Variants in BCL2L11 observed in about 807,000 individuals in gnomAD.
BCL2L11 encodes bcl-2-like protein 11.
Under a neutral mutation model 20.6 loss-of-function variants are expected in BCL2L11, and 15 were observed. That is an observed-to-expected ratio of 0.73 (90% CI 0.49 to 1.12). BCL2L11 has a LOEUF of 1.12. Ranked by LOEUF, BCL2L11 falls within the 50% of genes most tolerant of loss-of-function variation. BCL2L11 has a pLI of 0.00. For missense variants in BCL2L11, 292 were observed against 260.9 expected, an observed-to-expected ratio of 1.12 and a Z score of -0.82; for synonymous variants, 108 against 92.8, an observed-to-expected ratio of 1.16 and a Z score of -0.94.
Position 111,121,016 on chromosome 2 carries a change from G to A in BCL2L11, c.-186G>A, listed in dbSNP as rs1173407519. The A allele has an allele frequency of 7.7e-6, 3 of 390,586 alleles. No homozygotes were observed. Among genetic ancestry groups the A allele is most frequent in the Non-Finnish European group, 1.4e-5 (3 of 221,548 alleles). 24.2% of individuals were successfully genotyped at this position (390,586 alleles called of 1,614,324 possible). A position where few individuals can be genotyped will look rare whatever the true frequency, so the allele number is the denominator to read the frequency against. On this transcript the variant is annotated 5_prime_UTR_variant, in exon 1 of 4. Coordinates refer to ENST00000393256, the MANE Select transcript of BCL2L11 (RefSeq NM_138621.5). ...CGCCGCCGCCGCCGCCGCCGCCGCC[G>A]CCGCCACTACCACCACTTGATTCTT...
chr2:111,122,615 G>T, intron 1 of BCL2L11: 1 of 984,566 alleles, frequency 1.0e-6, no homozygotes. Context: ...CGGCGGCGGC[G>T]GGCGCAGAGC....
At chr2:111,148,890 C>G (rs182151051) in intron 2 of BCL2L11, among the ~76,000 whole-genome samples, 2 of 152,304 alleles carry the variant, frequency 1.3e-5, no homozygotes, top group African/African-American at 2.4e-5. Flanking sequence ...TTTTATAGAG[C>G]TCTGAATCAG....
intron 2 of BCL2L11, among the ~76,000 whole-genome samples, chr2:111,133,717 C>T (rs988228332): frequency 2.6e-5 from 4 of 152,100 alleles, no homozygotes; most frequent in African/African-American, 4.8e-5. Context: ...GTAGAGTGTT[C>T]GTTATATATA....
chr2:111,137,783 T>C (rs889475488), intron 2 of BCL2L11, among the ~76,000 whole-genome samples: 5 of 152,084 alleles, frequency 3.3e-5, no homozygotes, highest in African/African-American at 9.7e-5. Context: ...TTTGGCAGAC[T>C]GGTGCTGTCT....
At chr2:111,147,346 T>TCACACACACACA (rs70962921) in intron 2 of BCL2L11, among the ~76,000 whole-genome samples, 1 of 137,332 alleles carries the variant, frequency 7.3e-6, no homozygotes, top group Admixed American at 7.2e-5. Context: ...TCTCTCTCTC[T>TCACACACACACA]CACACACACA....
At chr2:111,161,798 G>C (rs191898085) in intron 3 of BCL2L11, among the ~76,000 whole-genome samples, 1 of 152,108 alleles carries the variant, frequency 6.6e-6, no homozygotes, top group East Asian at 1.9e-4. Flanking sequence ...TTCTCTAATT[G>C]CTTCAGACTC....
At chr2:111,122,836 G>C in intron 1 of BCL2L11, 2 of 985,280 alleles carry the variant, frequency 2.0e-6, no homozygotes, top group Non-Finnish European at 2.4e-6. Context: ...GACGGTCAGG[G>C]GGCGCCCGGT....
At chr2:111,149,354 T>C (rs1423791490) in intron 2 of BCL2L11, among the ~76,000 whole-genome samples, 1 of 152,194 alleles carries the variant, frequency 6.6e-6, no homozygotes, top group African/African-American at 2.4e-5. Context: ...CTTTCAAAAA[T>C]GCCTTTGCTC....
intron 2 of BCL2L11, chr2:111,142,312 G>C (rs1177122814): frequency 1.3e-6 from 2 of 1,550,236 alleles, no homozygotes; most frequent in African/African-American, 1.4e-5. Flanking sequence ...ATGGCTTGCA[G>C]ATGACTCCGC....
At chr2:111,143,673 A>G (rs1054354557) in intron 2 of BCL2L11, among the ~76,000 whole-genome samples, 2 of 152,138 alleles carry the variant, frequency 1.3e-5, no homozygotes, top group Non-Finnish European at 2.9e-5. Context: ...GGTCTCCCAC[A>G]TGGTGCAAGA....
At chr2:111,135,195 C>G (rs1297641571) in intron 2 of BCL2L11, among the ~76,000 whole-genome samples, 4 of 152,184 alleles carry the variant, frequency 2.6e-5, no homozygotes, top group African/African-American at 7.2e-5. Flanking sequence ...GATTTTCTCT[C>G]TCTTCAGATT....
intron 2 of BCL2L11, among the ~76,000 whole-genome samples, chr2:111,136,804 C>T (rs1029476442): frequency 1.3e-5 from 2 of 152,172 alleles, no homozygotes; most frequent in Admixed American, 1.3e-4. Context: ...GGGCATGTAA[C>T]GTTTATACCA....
Position 111,123,968 on chromosome 2 carries a change from A to G in BCL2L11, c.223A>G (p.Thr75Ala), listed in dbSNP as rs775462087. 6.2e-7 allele frequency: 1 copy of G among 1,614,150 alleles called. No individual in the cohort carries two copies. The highest frequency in any genetic ancestry group is 1.1e-5 in the South Asian group (1 of 91,082). ...ACCTGCCAGCCCTGGCCCTTTTGCT[A>G]CCAGATCCCCGCTTTTCATCTTTAT... Reference protein sequence around the residue: ...APPASPGPFATRSPLFIFMRR... With the variant: ...APPASPGPFAARSPLFIFMRR... Residue 75 changes from threonine (T) to alanine (A), a missense_variant, in exon 2 of 4, where the codon ACC becomes GCC. Coordinates refer to ENST00000393256, the MANE Select transcript of BCL2L11 (RefSeq NM_138621.5).
At chr2:111,144,359 G>T (rs1482581147) in intron 2 of BCL2L11, 9 of 828,352 alleles carry the variant, frequency 1.1e-5, no homozygotes, top group Non-Finnish European at 1.7e-5. Context: ...CTGGAGGGAG[G>T]TGTGTGTGTG....
Position 111,164,346 on chromosome 2 carries a change from A to AG in BCL2L11, c.*120dup, listed in dbSNP as rs1286972877. 3 of 772,740 alleles carry AG rather than the reference A, an allele frequency of 3.9e-6. No homozygotes were observed. The Admixed American group carries it at 5.7e-5, about 15-fold the overall frequency. 47.9% of individuals were successfully genotyped at this position (772,740 alleles called of 1,614,324 possible). A position where few individuals can be genotyped will look rare whatever the true frequency, so the allele number is the denominator to read the frequency against. On this transcript the variant is annotated 3_prime_UTR_variant, in exon 4 of 4. Coordinates refer to ENST00000393256, the MANE Select transcript of BCL2L11 (RefSeq NM_138621.5). ...TATGCAGCCAGCGGTTCTCTTGTGGAGGGGGCAGGTGACGTTTCAGAAGAC... is the reference window on the plus strand; with the variant it reads ...TATGCAGCCAGCGGTTCTCTTGTGGAGGGGGGCAGGTGACGTTTCAGAAGAC...
chr2:111,125,433 G>A (rs1387928862), intron 2 of BCL2L11, among the ~76,000 whole-genome samples: 1 of 151,934 alleles, frequency 6.6e-6, no homozygotes, highest in Non-Finnish European at 1.5e-5. Context: ...TGCCATACAT[G>A]AACAAGATAG....
At position 111,143,458 on chromosome 2, in the gene BCL2L11, T is replaced by C. The variant is rs551110636; in HGVS notation, c.395-6586T>C. On this transcript the variant is annotated intron_variant, in intron 2 of 3. Transcript: ENST00000393256. ...TCACTGACAAAAAGTGGGGTGATGA[T>C]TGAGAGGGATCATAGATTTCCTTTA... 2.0e-5 allele frequency among the ~76,000 whole-genome samples: 3 copies of C among 152,218 alleles called. No homozygotes were observed. The South Asian group carries it at 6.2e-4, about 32-fold the overall frequency.
chr2:111,124,557 T>C (rs1327832899), intron 2 of BCL2L11, among the ~76,000 whole-genome samples: 2 of 152,236 alleles, frequency 1.3e-5, no homozygotes, highest in African/African-American at 4.8e-5. Context: ...CCCAAAGTGC[T>C]GGGATTACAG....
intron 2 of BCL2L11, among the ~76,000 whole-genome samples, chr2:111,126,280 G>A (rs1175357465): frequency 6.6e-6 from 1 of 152,126 alleles, no homozygotes; most frequent in Non-Finnish European, 1.5e-5. Flanking sequence ...TGTTACTTGA[G>A]ATGAAATATA....
Sources: allele counts gnomAD v4.1 joint callset (sites outside exome capture counted in the v4.1 genomes callset), GRCh38; gene constraint gnomAD v4.1.1; transcripts MANE v1.5; gene names NCBI Gene and HGNC (gene_info 2026-07-23, HGNC 2026-07-21).